The following KCNK16 variants were observed in gnomAD, a reference collection of about 807,000 sequenced individuals.
The protein encoded by KCNK16 is potassium channel subfamily K member 16.
A neutral mutation model predicts 23.0 loss-of-function variants in KCNK16; 23 were observed. The observed-to-expected ratio is 1.00, with a 90% CI of 0.72 to 1.41. The LOEUF is 1.41. Ranked by LOEUF, KCNK16 falls within the 40% of genes most tolerant of loss-of-function variation. KCNK16 has a pLI of 0.00. For missense variants in KCNK16, 327 were observed against 365.8 expected (o/e 0.89, Z 0.87); for synonymous variants, 145 against 153.5 (o/e 0.94, Z 0.41).
chr6:39,317,657 C>A, intron 3 of KCNK16, 129 bp downstream of exon 3: 1 of 1,059,122 alleles, frequency 9.4e-7, no homozygotes. Context: ...CTGCCTTCAC[C>A]CTTCCTCTTT....
intron 1 of KCNK16, among the ~76,000 whole-genome samples, chr6:39,322,063 C>T (rs567654188): frequency 2.6e-5 from 4 of 152,186 alleles, no homozygotes; most frequent in Admixed American, 6.5e-5. Flanking sequence ...TCTGCAGTAC[C>T]GATATGGTTA....
At chr6:39,317,675 A>T (rs1355967535) in intron 3 of KCNK16, 111 bp downstream of exon 3, 1 of 1,223,768 alleles carries the variant, frequency 8.2e-7, no homozygotes, top group African/African-American at 1.5e-5. Context: ...TTTCACAGGC[A>T]TCTACCCCTA....
In KCNK16 at chr6:39,319,038, GCC is replaced by G. The variant is rs1305731774; in HGVS notation, c.307_308del (p.Gly103HisfsTer33). On this transcript the variant is annotated frameshift_variant, in exon 2 of 5. Transcript: ENST00000437525. LOFTEE classifies it high-confidence loss of function. The surrounding 1 kb of genome is among the most constrained non-coding windows in gnomAD (Gnocchi z 4.2). ...CTTTACCTATGGTAGTGACGACTGT[GCC>G]TGCAAAGAAGAAACTGCTGCCAAAG... ...WDFGSSFFFA[G>X]TVVTTIGYGN... The G allele has an allele frequency of 6.2e-7, 1 of 1,613,558 alleles. No homozygotes were observed. Among genetic ancestry groups the G allele is most frequent in the African/African-American group, 1.3e-5 (1 of 75,028 alleles).
downstream of KCNK16, chr6:39,314,876 G>T: frequency 1.1e-6 from 1 of 950,078 alleles, no homozygotes; most frequent in Non-Finnish European, 1.6e-6. Context: ...ACTTGTCCAT[G>T]AGCTTGGGAG....
At chr6:39,320,863 T>C (rs898218205) in intron 1 of KCNK16, among the ~76,000 whole-genome samples, 1 of 152,176 alleles carries the variant, frequency 6.6e-6, no homozygotes, top group African/African-American at 2.4e-5. Context: ...TTTCAGCTTC[T>C]CCAGGGCCTC....
chr6:39,315,475 C>T, downstream of KCNK16: 1 of 1,500,686 alleles, frequency 6.7e-7, no homozygotes, highest in South Asian at 1.3e-5. Context: ...GTGGGTAGGA[C>T]ACCCAAGAGG....
chr6:39,317,682 C>A, intron 3 of KCNK16, 104 bp downstream of exon 3: 1 of 1,302,224 alleles, frequency 7.7e-7, no homozygotes, highest in South Asian at 1.5e-5. Context: ...GGCATCTACC[C>A]CTAACACCAT....
chr6:39,314,848 G>T (rs560592090), downstream of KCNK16: 24 of 753,032 alleles, frequency 3.2e-5, no homozygotes, highest in East Asian at 5.6e-4. Context: ...CCCAAAAGAG[G>T]GACCCCAGCT....
chr6:39,322,727 CT>C, upstream of KCNK16: 1 of 911,738 alleles, frequency 1.1e-6, no homozygotes, highest in Non-Finnish European at 1.6e-6. Flanking sequence ...GCACTAAGTG[CT>C]ATGCTGTGAG....
chr6:39,319,110 T>C lies in KCNK16; in HGVS notation c.237A>G (p.Lys79=), dbSNP rs761595326. ...TAGAGTTGCCTTTGGGGTTCACACC[T>C]TTCACCCAGGCTTCCATGATGACCT... ...FVQVIMEAWV[K]GVNPKGNSTN... is the part of the protein sequence containing the mutation. The change falls in exon 2 of 5, where the codon AAA becomes AAG. Residue 79 remains lysine (K), a synonymous_variant. Coordinates refer to ENST00000437525, the MANE Select transcript of KCNK16 (RefSeq NM_001135106.2). The surrounding 1 kb of genome is among the most constrained non-coding windows in gnomAD (Gnocchi z 4.2). 1 of 1,613,382 alleles carries C rather than the reference T, an allele frequency of 6.2e-7. No homozygotes were observed. The highest frequency in any genetic ancestry group is 8.5e-7 in the Non-Finnish European group (1 of 1,179,506).
intron 2 of KCNK16, among the ~76,000 whole-genome samples, chr6:39,318,715 G>T (rs1043956051): frequency 7.2e-5 from 11 of 152,180 alleles, no homozygotes; most frequent in Non-Finnish European, 1.6e-4. Flanking sequence ...ACCTTTGAGG[G>T]CAGGAGTTGG....
rs1399720374 is a variant in KCNK16 at position 39,318,053 on chromosome 6, G to A, written c.329-101C>T. Reference sequence around the variant, plus strand: ...GAGGTTTGTCTGTCACCACCTCTGGGGGTGAGAAGGGGAAGCTCCCCTGTT... The same window carrying A: ...GAGGTTTGTCTGTCACCACCTCTGGAGGTGAGAAGGGGAAGCTCCCCTGTT... On this transcript the variant is annotated intron_variant, in intron 2 of 4. Transcript: ENST00000437525. 3.6e-6 allele frequency: 4 copies of A among 1,124,256 alleles called. No individual in the cohort carries two copies. In the East Asian group the frequency reaches 8.2e-5, roughly 23 times the overall value. The allele number at this position is 1,124,256 out of a possible 1,614,324, so 69.6% of individuals were successfully genotyped here.
chr6:39,315,000 C>G (rs758026863), downstream of KCNK16: 6 of 1,596,056 alleles, frequency 3.8e-6, no homozygotes, highest in South Asian at 6.8e-5. Flanking sequence ...GTCCGTGGGT[C>G]CTCAGCTTCC....
Position 39,316,938 on chromosome 6 carries a change from C to G in KCNK16, c.505G>C (p.Val169Leu). The G allele has an allele frequency of 6.2e-7, 1 of 1,612,758 alleles. No individual in the cohort carries two copies. Among genetic ancestry groups the G allele is most frequent in the Non-Finnish European group, 8.5e-7 (1 of 1,179,706 alleles). The change falls in exon 4 of 5, where the codon GTC (valine) becomes CTC (leucine). Residue 169 changes from valine (V) to leucine (L), a missense_variant. Transcript: ENST00000437525. ...GTCAGGAACAGAGCCAGGCCCAGGACTTGCAGTACCTAGGAGGGAGGGAGT... is the reference window on the plus strand; with the variant it reads ...GTCAGGAACAGAGCCAGGCCCAGGAGTTGCAGTACCTAGGAGGGAGGGAGT... ...DRPRRSQVLQ[V>L]LGLALFLTLG...
chr6:39,314,815 C>A, downstream of KCNK16: 1 of 604,204 alleles, frequency 1.7e-6, no homozygotes, highest in Non-Finnish European at 2.9e-6. Context: ...GGGTCTCCCA[C>A]ACCTCTGTCC....
At chr6:39,321,799 G>A (rs1382836078) in intron 1 of KCNK16, among the ~76,000 whole-genome samples, 1 of 152,216 alleles carries the variant, frequency 6.6e-6, no homozygotes, top group Non-Finnish European at 1.5e-5. Context: ...CCCAACTCCA[G>A]GTGCAAACAG....
At chr6:39,315,903 G>A (rs926516483), downstream of KCNK16, among the ~76,000 whole-genome samples, 2 of 152,294 alleles carry the variant, frequency 1.3e-5, no homozygotes, top group South Asian at 2.1e-4. Flanking sequence ...CTTTGTTTGT[G>A]TAAGGTCTCC....
chr6:39,315,027 A>G (rs1482398834), downstream of KCNK16: 2 of 1,608,224 alleles, frequency 1.2e-6, no homozygotes, highest in Non-Finnish European at 1.7e-6. Flanking sequence ...TTTCTTGGAT[A>G]TGGGGAAGTC....
At chr6:39,321,422 T>C (rs1331925881) in intron 1 of KCNK16, among the ~76,000 whole-genome samples, 1 of 152,180 alleles carries the variant, frequency 6.6e-6, no homozygotes, top group African/African-American at 2.4e-5. Flanking sequence ...GGGATTGTAA[T>C]AGGTAATTAT....
Sources: allele counts gnomAD v4.1 joint callset (sites outside exome capture counted in the v4.1 genomes callset), GRCh38; gene constraint gnomAD v4.1.1; non-coding constraint Gnocchi (gnomAD v3.1); transcripts MANE v1.5; gene names NCBI Gene and HGNC (gene_info 2026-07-23, HGNC 2026-07-21).